The following DNAH17 variants were observed in gnomAD, a reference collection of about 807,000 sequenced individuals.
DNAH17 encodes axonemal beta dynein heavy chain 17.
DNAH17 carries 376 observed loss-of-function variants against 485.6 expected under a neutral mutation model. That is an observed-to-expected ratio of 0.77 (90% CI 0.71 to 0.84). The LOEUF is 0.84. DNAH17 is among the 40% of genes least tolerant of loss of function. DNAH17 has a pLI of 0.00. For synonymous variants in DNAH17, 3,031 were observed against 2,405.9 expected, an observed-to-expected ratio of 1.26 and a Z score of -7.60; for missense variants, 6,370 against 5,839.3, an observed-to-expected ratio of 1.09 and a Z score of -2.96.
chr17:78,488,064 C>T (rs2146657621), intron 44 of DNAH17, among the ~76,000 whole-genome samples: 2 of 143,728 alleles, frequency 1.4e-5, no homozygotes, highest in South Asian at 4.4e-4. Flanking sequence ...TGCAAATCTA[C>T]GCAGAGGCTG....
chr17:78,535,366 CCACCCTTCCAGAATCCGCT>C (rs2091347460), intron 19 of DNAH17, among the ~76,000 whole-genome samples: 1 of 152,186 alleles, frequency 6.6e-6, no homozygotes, highest in Non-Finnish European at 1.5e-5. Flanking sequence ...AAACCTCCTC[CCACCCTTCCAGAATCCGCT>C]CACACGCCCA....
chr17:78,494,315 G>C (rs761310900), intron 40 of DNAH17, 142 bp from the exon 41 acceptor site: 5 of 1,272,244 alleles, frequency 3.9e-6, no homozygotes, highest in Non-Finnish European at 4.2e-6. Flanking sequence ...TGCAAGTTCT[G>C]CTGTCAATGC....
In DNAH17 at chr17:78,463,052, A is replaced by T; in HGVS notation, c.8966T>A (p.Phe2989Tyr). The T allele has an allele frequency of 6.2e-7, 1 of 1,613,938 alleles. No homozygotes were observed. ...GGTGGTGTGCACGTAGGACATGAAG[A>T]AGCTGATGGAGGCCTTGACTTCCCA... ...IPWEVKASIS[F>Y]FMSYVHTTVN... Residue 2989 changes from phenylalanine (F) to tyrosine (Y), a missense_variant, in exon 57 of 81, where the codon TTC becomes TAC. Phe to Tyr is a conservative substitution (Grantham distance 22, BLOSUM62 3). Transcript: ENST00000389840.
intron 19 of DNAH17, among the ~76,000 whole-genome samples, chr17:78,534,721 G>T (rs1254906939): frequency 6.6e-6 from 1 of 152,226 alleles, no homozygotes; most frequent in African/African-American, 2.4e-5. Context: ...GCTGGTGGCA[G>T]CCTGGCATAC....
chr17:78,468,706 TGGA>T lies in DNAH17; in HGVS notation c.8686_8688del (p.Ser2896del). ...CCAAGGGACTTGACTTGGGGTCGCATGGAGGAGATGATGTTCTCCACCTCGTCC... is the reference window on the plus strand; with the variant it reads ...CCAAGGGACTTGACTTGGGGTCGCATGGAGATGATGTTCTCCACCTCGTCC... On this transcript the variant is annotated inframe_deletion, in exon 55 of 81. Transcript: ENST00000389840. The T allele has an allele frequency of 3.7e-6, 6 of 1,614,018 alleles. No individual in the cohort carries two copies. Among genetic ancestry groups the T allele is most frequent in the Admixed American group, 1.7e-5 (1 of 60,018 alleles).
intron 48 of DNAH17, among the ~76,000 whole-genome samples, chr17:78,481,249 C>T (rs144316664): frequency 1.3e-5 from 2 of 150,940 alleles, no homozygotes; most frequent in African/African-American, 4.9e-5. Context: ...ACTACAGGTG[C>T]CCGCCACCAT....
chr17:78,512,872 T>C (rs2143102784), intron 26 of DNAH17, among the ~76,000 whole-genome samples: 1 of 132,322 alleles, frequency 7.6e-6, no homozygotes, highest in East Asian at 2.3e-4. Flanking sequence ...ACCTGGGAGG[T>C]GGAGGTTGCA....
At chr17:78,438,527 T>C (rs928475575) in intron 73 of DNAH17, among the ~76,000 whole-genome samples, 4 of 143,800 alleles carry the variant, frequency 2.8e-5, no homozygotes, top group Non-Finnish European at 6.0e-5. Flanking sequence ...AGATGGAGTC[T>C]CACTCTGTCG....
At position 78,495,877 on chromosome 17, in the gene DNAH17, G is replaced by A; in HGVS notation, c.5901C>T (p.Phe1967=). The stretch of plus-strand genomic sequence containing the variant: ...TCACTTTCACCTGGGCCACGTACCT[G>A]AATAAGGCTTTTAGGTTCTCAGGCA... ...AELPENLKAL[F]RPCAMVVPDF... Residue 1967 remains phenylalanine, a splice_region_variant and synonymous_variant, in exon 38 of 81, where the codon TTC becomes TTT. Coordinates refer to ENST00000389840, the MANE Select transcript of DNAH17 (RefSeq NM_173628.4). 6.2e-7 allele frequency: 1 copy of A among 1,612,992 alleles called. No homozygotes were observed.
chr17:78,426,853 T>A (rs897379096), intron 78 of DNAH17, 73 bp downstream of exon 78: 11 of 1,529,044 alleles, frequency 7.2e-6, no homozygotes, highest in Non-Finnish European at 8.9e-6. Flanking sequence ...TAGGCCTGGG[T>A]TGCCAGAGGC....
At position 78,475,469 on chromosome 17, in the gene DNAH17, C is replaced by T. The variant is rs777180173; in HGVS notation, c.8320G>A (p.Val2774Met). The T allele has an allele frequency of 4.3e-6, 7 of 1,613,620 alleles. No homozygotes were observed. The South Asian group carries it at 6.6e-5, about 15-fold the overall frequency. The change falls in exon 54 of 81, where the codon GTG becomes ATG. Residue 2774 changes from valine to methionine, a missense_variant and splice_region_variant. By Grantham distance (21) the Val-to-Met change is conservative (BLOSUM62 1). Coordinates refer to ENST00000389840, the MANE Select transcript of DNAH17 (RefSeq NM_173628.4). ...TGAGCCACGGCGTCCTCAAACAGCACCTGCAGAAACCGGAGAGATCCCACA... is the reference window on the plus strand; with the variant it reads ...TGAGCCACGGCGTCCTCAAACAGCATCTGCAGAAACCGGAGAGATCCCACA... ...YNEVNAVMNL[V>M]LFEDAVAHIC...
At chr17:78,435,596 GCTGA>G (rs1378351650) in intron 74 of DNAH17, among the ~76,000 whole-genome samples, 3 of 152,176 alleles carry the variant, frequency 2.0e-5, no homozygotes, top group South Asian at 2.1e-4. Context: ...CCTGTCTGTC[GCTGA>G]CTGACACTTT....
At chr17:78,529,400 G>T (rs539319098) in intron 22 of DNAH17, 72 bp downstream of exon 22, 1 of 1,459,878 alleles carries the variant, frequency 6.8e-7, no homozygotes, top group African/African-American at 1.4e-5. Flanking sequence ...CGTTTGATGG[G>T]CTGGTCCATG....
chr17:78,454,609 G>A lies in DNAH17; in HGVS notation c.10267C>T (p.Arg3423Cys), dbSNP rs544327580. 34 of 1,612,074 alleles carry A rather than the reference G, an allele frequency of 2.1e-5. No individual in the cohort carries two copies. The highest frequency in any genetic ancestry group is 3.3e-5 in the South Asian group (3 of 90,956). ...TWNNQGLPSD[R>C]MSTENATILG... Reference sequence around the variant, plus strand: ...ATGGTGGCATTCTCGGTGGACATGCGGTCGCTGGGGAGGCCCTGGTTGTTC... The same window carrying A: ...ATGGTGGCATTCTCGGTGGACATGCAGTCGCTGGGGAGGCCCTGGTTGTTC... The change falls in exon 64 of 81, where the codon CGC (arginine) becomes TGC (cysteine). Residue 3423 changes from arginine (R) to cysteine (C), a missense_variant. Arg to Cys is a radical substitution (Grantham distance 180, BLOSUM62 -3). Coordinates refer to ENST00000389840, the MANE Select transcript of DNAH17 (RefSeq NM_173628.4).
At chr17:78,541,239 GT>G (rs1749128128) in intron 17 of DNAH17, among the ~76,000 whole-genome samples, 1 of 32,126 alleles carries the variant, frequency 3.1e-5, no homozygotes, top group Non-Finnish European at 5.3e-5. Context: ...GGATGGGTGG[GT>G]GGGGGGGTGA....
rs2089558871 is a variant in DNAH17, at chr17:78,485,455, A to G, written c.7483+95T>C. The stretch of plus-strand genomic sequence containing the variant: ...GGAAGTGAGGAGGTGCAAAGTGGCT[A>G]GTGAGTGCCTGGGCCTGCAGTGAGA... On this transcript the variant is annotated intron_variant, in intron 47 of 80. Coordinates refer to ENST00000389840, the MANE Select transcript of DNAH17 (RefSeq NM_173628.4). The G allele has an allele frequency of 4.1e-6, 5 of 1,205,382 alleles. No individual in the cohort carries two copies. The South Asian group carries it at 7.3e-5, about 18-fold the overall frequency. The allele number at this position is 1,205,382 out of a possible 1,614,324, so 74.7% of individuals were successfully genotyped here. A position where few individuals can be genotyped will look rare whatever the true frequency, so the allele number is the denominator to read the frequency against.
rs751199020 is a variant in DNAH17, at chr17:78,449,520, C to T, written c.11105G>A (p.Arg3702Gln). ...GATCTCGTCCGTCAGGTTGATCACCCGCTGCTTCACCTCGTTGGCAGGGGT... is the reference window on the plus strand; with the variant it reads ...GATCTCGTCCGTCAGGTTGATCACCTGCTGCTTCACCTCGTTGGCAGGGGT... ...RTTPANEVKQ[R>Q]VINLTDEITY... Residue 3702 changes from arginine to glutamine, a missense_variant, in exon 69 of 81, where the codon CGG becomes CAG. Physicochemically the swap from Arg to Gln is conservative, Grantham distance 43 (BLOSUM62 1). Coordinates refer to ENST00000389840, the MANE Select transcript of DNAH17 (RefSeq NM_173628.4). The T allele has an allele frequency of 2.2e-5, 35 of 1,597,166 alleles. No individual in the cohort carries two copies. The highest frequency in any genetic ancestry group is 2.6e-5 in the Non-Finnish European group (30 of 1,172,106).
chr17:78,557,207 T>C (rs1272122793), intron 14 of DNAH17, among the ~76,000 whole-genome samples: 1 of 152,230 alleles, frequency 6.6e-6, no homozygotes, highest in Non-Finnish European at 1.5e-5. Context: ...AATCCTACTC[T>C]GGGTTCCAGG....
At position 78,453,485 on chromosome 17, in the gene DNAH17, G is replaced by C. The variant is rs1322478019; in HGVS notation, c.10407-20C>G. The C allele has an allele frequency of 6.2e-7, 1 of 1,613,430 alleles. No homozygotes were observed. Among genetic ancestry groups the C allele is most frequent in the Non-Finnish European group, 8.5e-7 (1 of 1,179,488 alleles). ...AGGTAGCTGCGGGCACAACACGGAAGCTGGTTCATGGCAGAGGGCCTCGTG... is the reference window on the plus strand; with the variant it reads ...AGGTAGCTGCGGGCACAACACGGAACCTGGTTCATGGCAGAGGGCCTCGTG... On this transcript the variant is annotated intron_variant, in intron 64 of 80. Coordinates refer to ENST00000389840, the MANE Select transcript of DNAH17 (RefSeq NM_173628.4).
Sources: allele counts gnomAD v4.1 joint callset (sites outside exome capture counted in the v4.1 genomes callset), GRCh38; gene constraint gnomAD v4.1.1; transcripts MANE v1.5; gene names NCBI Gene and HGNC (gene_info 2026-07-23, HGNC 2026-07-21).